AP4E1: variants seen among roughly 807,000 people sequenced by gnomAD.
AP4E1 encodes AP-4 complex subunit epsilon-1.
In AP4E1, 56 loss-of-function variants were observed where a neutral mutation model predicts 128.2. That is an observed-to-expected ratio of 0.44 (90% CI 0.35 to 0.55). AP4E1 has a LOEUF of 0.55. Among genes scored for constraint, AP4E1 ranks in the 20% least tolerant of loss-of-function variants. AP4E1 has a pLI of 0.00. For synonymous variants in AP4E1, 484 were observed against 473.1 expected (o/e 1.02, Z -0.30); for missense variants, 1,324 against 1,307.7 (o/e 1.01, Z -0.19).
Position 50,936,004 on chromosome 15 carries a change from T to G in AP4E1, c.943+1307T>G, listed in dbSNP as rs1309291113. On this transcript the variant is annotated intron_variant, in intron 8 of 20. Transcript: ENST00000261842. ...AGTGCCTGTGAAACAAAAACTTGAT[T>G]GTGTTTTAAACTAGGTGCGGATTGA... Among the ~76,000 whole-genome samples the G allele has an allele frequency of 2.6e-5, 4 of 152,332 alleles. No individual in the cohort carries two copies. The South Asian group carries it at 6.2e-4, about 24-fold the overall frequency.
At chr15:50,940,648 C>T (rs1651202739) in intron 8 of AP4E1, among the ~76,000 whole-genome samples, 1 of 152,116 alleles carries the variant, frequency 6.6e-6, no homozygotes, top group South Asian at 2.1e-4. Flanking sequence ...TTCCATAGAA[C>T]ACATAAGACT....
intron 17 of AP4E1, among the ~76,000 whole-genome samples, chr15:50,994,193 A>G (rs1190568940): frequency 1.3e-5 from 2 of 152,244 alleles, no homozygotes; most frequent in African/African-American, 2.4e-5. Context: ...AATGATAATT[A>G]TATTCAGATA....
At chr15:50,989,772 A>G (rs1406142886) in intron 16 of AP4E1, among the ~76,000 whole-genome samples, 1 of 152,220 alleles carries the variant, frequency 6.6e-6, no homozygotes, top group African/African-American at 2.4e-5. Context: ...TAAATGCCAT[A>G]CATATACATC....
At position 50,908,683 on chromosome 15, in the gene AP4E1, A is replaced by G; in HGVS notation, c.-96A>G. ...AAGATTTCTTATTCAAAAAACAGGAAGTGCCTACGGAGGCCGGGCCGGCAG... is the reference window on the plus strand; with the variant it reads ...AAGATTTCTTATTCAAAAAACAGGAGGTGCCTACGGAGGCCGGGCCGGCAG... On this transcript the variant is annotated 5_prime_UTR_variant, in exon 1 of 21. Transcript: ENST00000261842. 1 of 1,323,264 alleles carries G rather than the reference A, an allele frequency of 7.6e-7. No homozygotes were observed. Among genetic ancestry groups the G allele is most frequent in the South Asian group, 1.8e-5 (1 of 54,492 alleles). The allele number at this position is 1,323,264 out of a possible 1,614,324, so 82.0% of individuals were successfully genotyped here.
At chr15:50,917,482 G>C (rs1180897953) in intron 3 of AP4E1, among the ~76,000 whole-genome samples, 4 of 152,094 alleles carry the variant, frequency 2.6e-5, no homozygotes, top group African/African-American at 9.7e-5. Flanking sequence ...CAGCAATTGA[G>C]ATAACATTGA....
At chr15:50,960,035 A>G (rs1241752319) in intron 14 of AP4E1, among the ~76,000 whole-genome samples, 2 of 152,292 alleles carry the variant, frequency 1.3e-5, no homozygotes, top group East Asian at 1.9e-4. Context: ...AAGAAATGTT[A>G]TTATATAATG....
Position 50,958,541 on chromosome 15 carries a change from T to C in AP4E1, c.1598T>C (p.Val533Ala). The C allele has an allele frequency of 6.2e-7, 1 of 1,613,856 alleles. No individual in the cohort carries two copies. Among genetic ancestry groups the C allele is most frequent in the Non-Finnish European group, 8.5e-7 (1 of 1,179,920 alleles). ...TTAGATAAGGAAACGCCAGAGGAAG[T>C]TATAGCTAAGCTCTACAAGTTACTT... The part of the protein sequence containing the change: ...YLLDKETPEE[V>A]IAKLYKLLMN... The change falls in exon 14 of 21, where the codon GTT becomes GCT. Residue 533 changes from valine to alanine, a missense_variant. Coordinates refer to ENST00000261842, the MANE Select transcript of AP4E1 (RefSeq NM_007347.5).
At chr15:50,909,827 A>G (rs1382290770) in intron 1 of AP4E1, among the ~76,000 whole-genome samples, 3 of 151,816 alleles carry the variant, frequency 2.0e-5, no homozygotes, top group Admixed American at 2.0e-4. Flanking sequence ...AGCTGGGACT[A>G]CAAGTGCCCG....
intron 10 of AP4E1, chr15:50,945,462 T>C: frequency 1.3e-6 from 1 of 773,346 alleles, no homozygotes; most frequent in Non-Finnish European, 2.4e-6. Flanking sequence ...ATACTTTTGA[T>C]ATGTGTGCAC....
At chr15:50,933,795 A>G (rs2063867601) in intron 7 of AP4E1, among the ~76,000 whole-genome samples, 1 of 152,154 alleles carries the variant, frequency 6.6e-6, no homozygotes. Flanking sequence ...GATGTAATTA[A>G]TTTATATAGT....
At chr15:50,912,500 T>A (rs1260589514) in intron 2 of AP4E1, among the ~76,000 whole-genome samples, 1 of 152,254 alleles carries the variant, frequency 6.6e-6, no homozygotes, top group African/African-American at 2.4e-5. Context: ...TGTAGGTATA[T>A]CTAATTTTAT....
chr15:50,968,128 AT>A, intron 14 of AP4E1, 134 bp from the exon 15 acceptor site: 1 of 652,808 alleles, frequency 1.5e-6, no homozygotes. Flanking sequence ...CTGTGGTAGC[AT>A]TTTTAGAACT....
chr15:50,963,460 A>C (rs1034171687), intron 14 of AP4E1, among the ~76,000 whole-genome samples: 6 of 152,240 alleles, frequency 3.9e-5, no homozygotes, highest in Admixed American at 1.3e-4. Context: ...ACTATGAAGT[A>C]AAATAAGCAT....
At chr15:50,923,864 G>A (rs1448164369) in intron 3 of AP4E1, 67 bp from the exon 4 acceptor site, 2 of 1,222,020 alleles carry the variant, frequency 1.6e-6, no homozygotes, top group African/African-American at 1.5e-5. Flanking sequence ...GGACTGCTTT[G>A]TTTAACTTCG....
chr15:50,986,106 T>A lies in AP4E1; in HGVS notation c.2090+1961T>A, dbSNP rs2064719349. Among the ~76,000 whole-genome samples, 3 of 152,172 alleles carry A rather than the reference T, an allele frequency of 2.0e-5. No individual in the cohort carries two copies. The South Asian group carries it at 6.2e-4, about 32-fold the overall frequency. ...TGGGAGTTCACTCATGATTTGGCTCTCTGTCTGTTATTGGTGTATAAGAAT... is the reference window on the plus strand; with the variant it reads ...TGGGAGTTCACTCATGATTTGGCTCACTGTCTGTTATTGGTGTATAAGAAT... On this transcript the variant is annotated intron_variant, in intron 16 of 20. Transcript: ENST00000261842.
At chr15:50,929,503 T>C (rs564622855) in intron 6 of AP4E1, among the ~76,000 whole-genome samples, 3 of 152,148 alleles carry the variant, frequency 2.0e-5, no homozygotes, top group Non-Finnish European at 4.4e-5. Context: ...TAACATTTTA[T>C]AGAAATGAGG....
chr15:50,923,536 G>C (rs948155159), intron 3 of AP4E1, among the ~76,000 whole-genome samples: 1 of 151,452 alleles, frequency 6.6e-6, no homozygotes, highest in Non-Finnish European at 1.5e-5. Flanking sequence ...TAGTGATTAG[G>C]GTTTTTTTTA....
At chr15:50,928,559 A>G (rs903637165) in intron 5 of AP4E1, among the ~76,000 whole-genome samples, 6 of 152,158 alleles carry the variant, frequency 3.9e-5, no homozygotes, top group African/African-American at 1.4e-4. Context: ...AAGTGCTGGG[A>G]TTACAGGCCA....
chr15:50,980,901 G>A (rs1477672557), intron 15 of AP4E1, among the ~76,000 whole-genome samples: 2 of 152,114 alleles, frequency 1.3e-5, no homozygotes, highest in Non-Finnish European at 2.9e-5. Context: ...AGAGCCATGG[G>A]GTCATGGCGT....
Sources: allele counts gnomAD v4.1 joint callset (sites outside exome capture counted in the v4.1 genomes callset), GRCh38; gene constraint gnomAD v4.1.1; transcripts MANE v1.5; gene names NCBI Gene and HGNC (gene_info 2026-07-23, HGNC 2026-07-21).